GABRG3: variants seen among roughly 807,000 people sequenced by gnomAD.
GABRG3 encodes gamma-aminobutyric acid type A receptor subunit gamma3.
Under a neutral mutation model 48.8 loss-of-function variants are expected in GABRG3, and 25 were observed. The observed-to-expected ratio is 0.51, with a 90% CI of 0.37 to 0.72. GABRG3 has a LOEUF of 0.72. GABRG3 is among the 30% of genes least tolerant of loss of function. The pLI, the probability that GABRG3 is intolerant of heterozygous loss-of-function variation, is 0.00. For missense variants in GABRG3, 394 were observed against 577.9 expected, an observed-to-expected ratio of 0.68 and a Z score of 3.26; for synonymous variants, 227 against 217.6, an observed-to-expected ratio of 1.04 and a Z score of -0.38.
In GABRG3 at chr15:27,034,358, G is replaced by A. The variant is rs190606625; in HGVS notation, c.270+7537G>A. On this transcript the variant is annotated intron_variant, in intron 3 of 9. Coordinates refer to ENST00000615808, the MANE Select transcript of GABRG3 (RefSeq NM_033223.5). ...AATTAAGAAGTCTGCCCATGGCCAC[G>A]TGGTCAGTGTGTTATTTATTTGTTT... is the stretch of plus-strand genomic sequence containing the variant. Among the ~76,000 whole-genome samples, 45 of 152,226 alleles carry A rather than the reference G, an allele frequency of 3.0e-4. No individual in the cohort carries two copies. The East Asian group carries it at 3.5e-3, about 12-fold the overall frequency.
chr15:27,339,602 G>GT, intron 5 of GABRG3, among the ~76,000 whole-genome samples: 1 of 152,340 alleles, frequency 6.6e-6, no homozygotes, highest in South Asian at 2.1e-4. Context: ...TAAGATGACA[G>GT]TGAAGTAACA....
intron 5 of GABRG3, chr15:27,341,076 C>T (rs900001878): frequency 2.7e-5 from 11 of 414,268 alleles, no homozygotes; most frequent in Non-Finnish European, 4.3e-5. Flanking sequence ...GAAGAGTTAG[C>T]CAGGTCAGCA....
At chr15:27,126,781 G>A (rs147558116) in intron 3 of GABRG3, among the ~76,000 whole-genome samples, 5 of 152,282 alleles carry the variant, frequency 3.3e-5, no homozygotes, top group African/African-American at 1.2e-4. Flanking sequence ...CCGCCATGAT[G>A]GATTCGAGAC....
At chr15:27,158,256 T>C (rs1317017863) in intron 3 of GABRG3, 2 of 152,142 alleles carry the variant, frequency 1.3e-5, no homozygotes, top group Non-Finnish European at 2.9e-5. Context: ...AGGAGGAAGA[T>C]AAAATATACC....
At chr15:27,164,655 G>T (rs4887565) in intron 3 of GABRG3, among the ~76,000 whole-genome samples, 19,798 of 152,000 alleles carry the variant, frequency 0.13, 1,527 homozygotes, top group Admixed American at 0.22. Flanking sequence ...AAGATTCCAG[G>T]GCAGTTATCT....
chr15:27,536,295 CCAGA>C lies in GABRG3; in HGVS notation c.*3419_*3422del, dbSNP rs1207209350. 3.3e-5 allele frequency: 5 copies of C among 152,166 alleles called. No homozygotes were observed. Among genetic ancestry groups the C allele is most frequent in the Non-Finnish European group, 5.9e-5 (4 of 68,048 alleles). 9.4% of individuals were successfully genotyped at this position (152,166 alleles called of 1,614,324 possible). A position where few individuals can be genotyped will look rare whatever the true frequency, so the allele number is the denominator to read the frequency against. On this transcript the variant is annotated 3_prime_UTR_variant, in exon 10 of 10. Transcript: ENST00000615808. ...TACCAGAACAGAGACTCCCTACATA[CCAGA>C]CAGAGAAGGACAAAGTTAGTATAAT... is the stretch of plus-strand genomic sequence containing the variant.
chr15:27,320,152 G>A (rs1893370799), intron 3 of GABRG3, among the ~76,000 whole-genome samples: 1 of 152,180 alleles, frequency 6.6e-6, no homozygotes, highest in Non-Finnish European at 1.5e-5. Flanking sequence ...CCTTGGGGAA[G>A]GTCGTAGCTG....
At chr15:27,505,143 T>A (rs924694229) in intron 6 of GABRG3, among the ~76,000 whole-genome samples, 1 of 152,198 alleles carries the variant, frequency 6.6e-6, no homozygotes, top group Non-Finnish European at 1.5e-5. Context: ...TAATTTGTTT[T>A]TTTTATGACC....
chr15:27,509,519 T>C (rs1890847078), intron 6 of GABRG3, among the ~76,000 whole-genome samples: 1 of 152,210 alleles, frequency 6.6e-6, no homozygotes, highest in Non-Finnish European at 1.5e-5. Flanking sequence ...GGTTTCTCTG[T>C]CCTGATTTTT....
At chr15:27,519,708 G>C (rs73371548) in intron 6 of GABRG3, among the ~76,000 whole-genome samples, 1 of 152,048 alleles carries the variant, frequency 6.6e-6, no homozygotes, top group South Asian at 2.1e-4. Flanking sequence ...TCGTGGAAGA[G>C]ATCTGCATGT....
At chr15:27,051,406 A>G (rs1280337819) in intron 3 of GABRG3, among the ~76,000 whole-genome samples, 2 of 152,222 alleles carry the variant, frequency 1.3e-5, no homozygotes, top group Non-Finnish European at 2.9e-5. Context: ...GATGAATAGT[A>G]TATGTTGTGG....
At chr15:27,047,329 A>G (rs563934466) in intron 3 of GABRG3, among the ~76,000 whole-genome samples, 1 of 152,352 alleles carries the variant, frequency 6.6e-6, no homozygotes, top group Admixed American at 6.5e-5. Context: ...AATTATCTGT[A>G]GAATCACTGA....
At chr15:27,308,045 A>G (rs1333449356) in intron 3 of GABRG3, among the ~76,000 whole-genome samples, 3 of 134,960 alleles carry the variant, frequency 2.2e-5, no homozygotes, top group Non-Finnish European at 3.2e-5. Context: ...ATGTAAATGT[A>G]TATAATATAA....
intron 2 of GABRG3, among the ~76,000 whole-genome samples, chr15:26,983,361 G>C (rs1284019992): frequency 6.6e-6 from 1 of 152,052 alleles, no homozygotes; most frequent in Non-Finnish European, 1.5e-5. Flanking sequence ...CTCCACACTT[G>C]CGATCTTCTG....
At chr15:27,172,954 T>A (rs766354974) in intron 3 of GABRG3, among the ~76,000 whole-genome samples, 1 of 152,160 alleles carries the variant, frequency 6.6e-6, no homozygotes, top group Non-Finnish European at 1.5e-5. Context: ...ACAGCTACCC[T>A]GAGTGAACCA....
intron 3 of GABRG3, among the ~76,000 whole-genome samples, chr15:27,206,426 A>G (rs1185915821): frequency 6.6e-6 from 1 of 152,038 alleles, no homozygotes; most frequent in Non-Finnish European, 1.5e-5. Flanking sequence ...TGTGGCTGGT[A>G]TGATTTCGTT....
At chr15:27,507,073 G>C (rs1451149182) in intron 6 of GABRG3, among the ~76,000 whole-genome samples, 3 of 151,814 alleles carry the variant, frequency 2.0e-5, no homozygotes, top group Non-Finnish European at 4.4e-5. Flanking sequence ...TTTTCTTCCT[G>C]ACCCATAAAA....
At chr15:27,181,612 C>T (rs989396956) in intron 3 of GABRG3, among the ~76,000 whole-genome samples, 3 of 152,178 alleles carry the variant, frequency 2.0e-5, no homozygotes, top group East Asian at 3.9e-4. Flanking sequence ...ATCCTGCCCA[C>T]GTCTTTGTGG....
Position 27,539,987 on chromosome 15 carries a change from T to G in GABRG3, c.*7106T>G, listed in dbSNP as rs1367187961. On this transcript the variant is annotated 3_prime_UTR_variant, in exon 10 of 10. Coordinates refer to ENST00000615808, the MANE Select transcript of GABRG3 (RefSeq NM_033223.5). ...AACCATCATCACCCTCATTGTCCTC[T>G]TCCATGTTTCTACTAGTACTCAGCT... 1 of 152,206 alleles carries G rather than the reference T, an allele frequency of 6.6e-6. No individual in the cohort carries two copies. Among genetic ancestry groups the G allele is most frequent in the African/African-American group, 2.4e-5 (1 of 41,442 alleles). The allele number at this position is 152,206 out of a possible 1,614,324, so 9.4% of individuals were successfully genotyped here.
Sources: allele counts gnomAD v4.1 joint callset (sites outside exome capture counted in the v4.1 genomes callset), GRCh38; gene constraint gnomAD v4.1.1; transcripts MANE v1.5; gene names NCBI Gene and HGNC (gene_info 2026-07-23, HGNC 2026-07-21).